The following AKAP11 variants were observed in gnomAD, a reference collection of about 807,000 sequenced individuals.
AKAP11 encodes the protein A-kinase anchor protein 11.
AKAP11 carries 36 observed loss-of-function variants against 146.1 expected under a neutral mutation model. The ratio of observed to expected loss-of-function variants is 0.25; its 90% CI spans 0.19 to 0.33. The LOEUF (loss-of-function observed/expected upper bound fraction) is 0.33. Ranked by LOEUF, AKAP11 falls within the 10% of genes least tolerant of loss-of-function variation. AKAP11 has a pLI of 1.00. For synonymous variants in AKAP11, 780 were observed against 786.5 expected (o/e 0.99, Z 0.14); for missense variants, 2,201 against 2,197.0 (o/e 1.00, Z -0.04).
At chr13:42,310,360 A>C (rs76627153) in intron 9 of AKAP11, among the ~76,000 whole-genome samples, 6 of 152,318 alleles carry the variant, frequency 3.9e-5, no homozygotes, top group Non-Finnish European at 7.4e-5. Flanking sequence ...TCTCACCTCC[A>C]GAGATGAAGA....
intron 12 of AKAP11, among the ~76,000 whole-genome samples, 175 bp from the exon 13 acceptor site, chr13:42,318,913 G>A (rs2138729656): frequency 6.6e-6 from 1 of 152,254 alleles, no homozygotes; most frequent in Middle Eastern, 3.4e-3. Context: ...AAGGGAAAAT[G>A]TTTAATTTGG....
chr13:42,273,330 T>TG (rs1958826516), intron 1 of AKAP11, among the ~76,000 whole-genome samples: 1 of 152,140 alleles, frequency 6.6e-6, no homozygotes, highest in Non-Finnish European at 1.5e-5. Flanking sequence ...GCATGATTGG[T>TG]GTCAGTTAAA....
rs1241828626 is a variant in AKAP11, at chr13:42,300,907, T to C, written c.2161T>C (p.Ser721Pro). The stretch of plus-strand genomic sequence containing the variant: ...TACAACAAAGGCAGCAGTTAGTGTC[T>C]CTACGGATAATATCAAGTATGTGAG... ...TFTTKAAVSVSTDNIKYVSAE... is the reference protein window; with the variant it reads ...TFTTKAAVSVPTDNIKYVSAE... The change falls in exon 8 of 13, where the codon TCT (serine) becomes CCT (proline). Residue 721 changes from serine to proline, a missense_variant. This residue lies in a region of AKAP11 where 1,867 missense variants were observed against 1,833.5 expected (regional missense o/e 1.02). Coordinates refer to ENST00000025301, the MANE Select transcript of AKAP11 (RefSeq NM_016248.4). 1.2e-6 allele frequency: 2 copies of C among 1,614,126 alleles called. No individual in the cohort carries two copies. The highest frequency in any genetic ancestry group is 2.7e-5 in the African/African-American group (2 of 75,066).
At chr13:42,305,400 A>G (rs7327683) in intron 8 of AKAP11, among the ~76,000 whole-genome samples, 17,276 of 152,150 alleles carry the variant, frequency 0.11, 1,017 homozygotes, top group South Asian at 0.17. Context: ...AGAGGTCTCT[A>G]TTTGCCCTAA....
chr13:42,319,255 G>A lies in AKAP11; in HGVS notation c.*27G>A. 1 of 1,603,516 alleles carries A rather than the reference G, an allele frequency of 6.2e-7. No homozygotes were observed. The highest frequency in any genetic ancestry group is 1.3e-5 in the African/African-American group (1 of 74,630). Reference sequence around the variant, plus strand: ...GCAAACCCCAAACCAGTATATTTTAGTATTTGTTTGGGGAGGGGAACAAGC... The same window carrying A: ...GCAAACCCCAAACCAGTATATTTTAATATTTGTTTGGGGAGGGGAACAAGC... On this transcript the variant is annotated 3_prime_UTR_variant, in exon 13 of 13. Coordinates refer to ENST00000025301, the MANE Select transcript of AKAP11 (RefSeq NM_016248.4).
intron 9 of AKAP11, among the ~76,000 whole-genome samples, chr13:42,310,514 A>G (rs1336089820): frequency 2.0e-5 from 3 of 152,186 alleles, no homozygotes; most frequent in African/African-American, 4.8e-5. Context: ...ATTGATATCT[A>G]TACTGTTCTT....
At chr13:42,280,282 C>T (rs1959031759) in intron 1 of AKAP11, among the ~76,000 whole-genome samples, 2 of 152,122 alleles carry the variant, frequency 1.3e-5, no homozygotes, top group Admixed American at 1.3e-4. Flanking sequence ...TATATTCTGT[C>T]CTGTTTTCTT....
chr13:42,301,784 C>G lies in AKAP11; in HGVS notation c.3038C>G (p.Ser1013Cys). 1 of 1,614,138 alleles carries G rather than the reference C, an allele frequency of 6.2e-7. No individual in the cohort carries two copies. The highest frequency in any genetic ancestry group is 8.5e-7 in the Non-Finnish European group (1 of 1,180,000). ...AKDCVPECKV[S>C]MVHGSSLETL... is the part of the protein sequence containing the mutation. The stretch of plus-strand genomic sequence containing the variant: ...GATTGTGTTCCAGAATGTAAAGTTT[C>G]TATGGTTCATGGATCCTCCCTAGAG... The change falls in exon 8 of 13, where the codon TCT becomes TGT. Residue 1013 changes from serine (S) to cysteine (C), a missense_variant. Transcript: ENST00000025301.
At chr13:42,315,882 G>A (rs756311524) in intron 11 of AKAP11, among the ~76,000 whole-genome samples, 1 of 152,152 alleles carries the variant, frequency 6.6e-6, no homozygotes, top group Non-Finnish European at 1.5e-5. Context: ...TTTTGTAGTT[G>A]CAGGATGTCA....
At chr13:42,281,791 C>A (rs1959064950) in intron 1 of AKAP11, among the ~76,000 whole-genome samples, 1 of 151,620 alleles carries the variant, frequency 6.6e-6, no homozygotes, top group African/African-American at 2.4e-5. Flanking sequence ...CAGAACCTGT[C>A]TTATTTTACT....
rs777355568 is a variant in AKAP11 at position 42,303,186 on chromosome 13, A to G, written c.4440A>G (p.Leu1480=). 5.6e-6 allele frequency: 9 copies of G among 1,614,222 alleles called. No individual in the cohort carries two copies. The South Asian group carries it at 8.8e-5, about 16-fold the overall frequency. ...KEELTASLVG[L]PKSLTDSCLF... is the part of the protein sequence containing the mutation. ...AGTTGACAGCCTCTCTAGTTGGCCT[A>G]CCAAAATCCTTAACAGATTCTTGCT... is the stretch of plus-strand genomic sequence containing the variant. The change falls in exon 8 of 13, where the codon CTA becomes CTG. Residue 1480 remains leucine (L), a synonymous_variant. Coordinates refer to ENST00000025301, the MANE Select transcript of AKAP11 (RefSeq NM_016248.4).
rs374899446 is a variant in AKAP11 at position 42,301,931 on chromosome 13, A to C, written c.3185A>C (p.Gln1062Pro). Residue 1062 changes from glutamine to proline, a missense_variant, in exon 8 of 13, where the codon CAG becomes CCG. Physicochemically the swap from Gln to Pro is moderately conservative, Grantham distance 76. Around this residue, in one of 3 missense-constraint regions of AKAP11, gnomAD observed 1,867 missense variants for 1,833.5 expected, o/e 1.02. Coordinates refer to ENST00000025301, the MANE Select transcript of AKAP11 (RefSeq NM_016248.4). ...TCACTTGAGGCCTTGTCTTTTGGACAGGAAAACCCCTTTCCTCATTCACAT... is the reference window on the plus strand; with the variant it reads ...TCACTTGAGGCCTTGTCTTTTGGACCGGAAAACCCCTTTCCTCATTCACAT... ...STSLEALSFG[Q>P]ENPFPHSHTF... 1 of 1,614,204 alleles carries C rather than the reference A, an allele frequency of 6.2e-7. No homozygotes were observed. The highest frequency in any genetic ancestry group is 1.1e-5 in the South Asian group (1 of 91,088).
chr13:42,298,477 A>G, intron 6 of AKAP11, 56 bp from the exon 7 acceptor site: 2 of 1,558,740 alleles, frequency 1.3e-6, no homozygotes, highest in Non-Finnish European at 1.7e-6. Flanking sequence ...GCTTTACTTC[A>G]TGTTGTTTTG....
At chr13:42,306,891 G>T (rs550868892) in intron 8 of AKAP11, among the ~76,000 whole-genome samples, 3 of 152,132 alleles carry the variant, frequency 2.0e-5, no homozygotes, top group Non-Finnish European at 4.4e-5. Context: ...TCACTATGTT[G>T]CTCAGGCTGA....
At chr13:42,310,560 TC>T (rs1233854624) in intron 9 of AKAP11, among the ~76,000 whole-genome samples, 1 of 152,148 alleles carries the variant, frequency 6.6e-6, no homozygotes, top group Non-Finnish European at 1.5e-5. Context: ...GATAAAGACT[TC>T]GGCGATTTGG....
At chr13:42,307,085 C>T (rs1376490669) in intron 8 of AKAP11, among the ~76,000 whole-genome samples, 1 of 152,120 alleles carries the variant, frequency 6.6e-6, no homozygotes, top group African/African-American at 2.4e-5. Flanking sequence ...GGACCTCATC[C>T]TTTGGGTCAT....
chr13:42,274,645 A>G (rs989403742), intron 1 of AKAP11, among the ~76,000 whole-genome samples: 1 of 152,270 alleles, frequency 6.6e-6, no homozygotes, highest in Non-Finnish European at 1.5e-5. Context: ...AGATCGTGCC[A>G]CTGCACTCCA....
Position 42,291,415 on chromosome 13 carries a change from G to A in AKAP11, c.52-970G>A, listed in dbSNP as rs138784736. Among the ~76,000 whole-genome samples, 369 of 152,248 alleles carry A rather than the reference G, an allele frequency of 2.4e-3. 4 individuals carry two copies. The highest frequency in any genetic ancestry group is 0.016 in the East Asian group (81 of 5,176). On this transcript the variant is annotated intron_variant, in intron 3 of 12. Transcript: ENST00000025301. ...TTACAGGCACGTGGCACCATGCCAG[G>A]CTAATTTGTGTATTTTTAGTAAAGA... is the stretch of plus-strand genomic sequence containing the variant.
intron 1 of AKAP11, among the ~76,000 whole-genome samples, chr13:42,283,209 G>A (rs923693145): frequency 6.6e-6 from 1 of 152,110 alleles, no homozygotes. Flanking sequence ...TCCTGAGACA[G>A]TATTTTATTT....
Sources: allele counts gnomAD v4.1 joint callset (sites outside exome capture counted in the v4.1 genomes callset), GRCh38; gene constraint gnomAD v4.1.1; regional missense constraint gnomAD v4.1.1; transcripts MANE v1.5; gene names NCBI Gene and HGNC (gene_info 2026-07-23, HGNC 2026-07-21).